The following ZNF669 variants were observed in gnomAD, a reference collection of about 807,000 sequenced individuals.
ZNF669 encodes zinc finger protein 669.
In ZNF669, 7 loss-of-function variants were observed where a neutral mutation model predicts 11.4. The observed-to-expected ratio is 0.62, with a 90% confidence interval of 0.35 to 1.16. ZNF669 has a LOEUF of 1.16. Ranked by LOEUF, ZNF669 falls within the 50% of genes most tolerant of loss-of-function variation. The pLI is 0.02. For synonymous variants in ZNF669, 153 were observed against 155.8 expected (o/e 0.98, Z 0.13); for missense variants, 492 against 463.6 (o/e 1.06, Z -0.56).
intron 1 of ZNF669, among the ~76,000 whole-genome samples, chr1:247,103,462 T>C (rs1558359363): frequency 1.3e-5 from 2 of 151,974 alleles, no homozygotes; most frequent in East Asian, 1.9e-4. Flanking sequence ...GGCGAAACCC[T>C]GTCTCTACCA....
intron 1 of ZNF669, 130 bp downstream of exon 1, chr1:247,104,066 GA>G (rs1671790026): frequency 1.3e-6 from 2 of 1,583,018 alleles, no homozygotes; most frequent in East Asian, 4.6e-5. Context: ...GAAGAGGACT[GA>G]GCCCCGGCTA....
chr1:247,104,271 G>A lies in ZNF669; in HGVS notation c.-72C>T. On this transcript the variant is annotated 5_prime_UTR_variant, in exon 1 of 4. Transcript: ENST00000448299. ...ACTCGCAGGTCACAGGGTGGCAGAG[G>A]CTGCTGCAGAGCCACCTGGGCCTCC... 2 of 1,459,292 alleles carry A rather than the reference G, an allele frequency of 1.4e-6. No homozygotes were observed. Among genetic ancestry groups the A allele is most frequent in the Non-Finnish European group, 1.8e-6 (2 of 1,107,048 alleles). 90.4% of individuals were successfully genotyped at this position (1,459,292 alleles called of 1,614,324 possible). A position where few individuals can be genotyped will look rare whatever the true frequency, so the allele number is the denominator to read the frequency against.
rs371146039 is a variant in ZNF669, at chr1:247,100,451, G to A, written c.1060C>T (p.His354Tyr). 37 of 1,614,052 alleles carry A rather than the reference G, an allele frequency of 2.3e-5. No individual in the cohort carries two copies. The highest frequency in any genetic ancestry group is 3.1e-5 in the Non-Finnish European group (37 of 1,180,050). The change falls in exon 4 of 4, where the codon CAT (histidine) becomes TAT (tyrosine). Residue 354 changes from histidine (H) to tyrosine (Y), a missense_variant. His to Tyr is a moderately conservative substitution (Grantham distance 83). Transcript: ENST00000448299. ...SSHLTRHERS[H>Y]DIEAGCSDSA... ...TCACTACACCCAGCCTCTATATCAT[G>A]ACTTCTTTCATGGCGAGTAAGGTGA...
At chr1:247,103,634 A>C (rs1342747850) in intron 1 of ZNF669, among the ~76,000 whole-genome samples, 1 of 43,532 alleles carries the variant, frequency 2.3e-5, no homozygotes, top group African/African-American at 3.6e-4. Context: ...TCCGTCTCCA[A>C]AAAAAAAAAA....
intron 1 of ZNF669, among the ~76,000 whole-genome samples, chr1:247,102,831 C>A (rs1003228054): frequency 8.6e-5 from 13 of 151,976 alleles, no homozygotes; most frequent in African/African-American, 2.9e-4. Flanking sequence ...TAAATAAAAC[C>A]AATAATTGAT....
rs143120801 is a variant in ZNF669, at chr1:247,101,148, A to G, written c.363T>C (p.His121=). The G allele has an allele frequency of 2.3e-4, 376 of 1,614,116 alleles. 1 individual carries two copies. Among genetic ancestry groups the G allele is most frequent in the Non-Finnish European group, 2.9e-4 (339 of 1,180,018 alleles). ...GTTTGTATCCTGAGTGAGCTAGGAT[A>G]TGCCTATTAAGGAGGGAATGACGTA... ...VFVRHSLLNR[H]ILAHSGYKPY... Residue 121 remains histidine (H), a synonymous_variant, in exon 4 of 4, where the codon CAT becomes CAC. Coordinates refer to ENST00000448299, the MANE Select transcript of ZNF669 (RefSeq NM_001142572.2).
rs561699755 is a variant in ZNF669, at chr1:247,103,922, C to T, written c.3+275G>A. The stretch of plus-strand genomic sequence containing the variant: ...TCGGGGCTCTCCCGCATCACCCTCC[C>T]GTGGTCACCACACTACCTGGATAGG... On this transcript the variant is annotated intron_variant, in intron 1 of 3. Coordinates refer to ENST00000448299, the MANE Select transcript of ZNF669 (RefSeq NM_001142572.2). 3 of 1,586,210 alleles carry T rather than the reference C, an allele frequency of 1.9e-6. No homozygotes were observed. In the South Asian group the frequency reaches 3.5e-5, roughly 18 times the overall value.
chr1:247,100,782 A>G lies in ZNF669; in HGVS notation c.729T>C (p.Thr243=). The change falls in exon 4 of 4, where the codon ACT becomes ACC. Residue 243 remains threonine (T), a synonymous_variant. Coordinates refer to ENST00000448299, the MANE Select transcript of ZNF669 (RefSeq NM_001142572.2). ...TGGTACATTTATAGGGTCTTTCTCC[A>G]GTGTGAGTCCTTTCATGCGTCTTAA... ...CSFKTHERTH[T]GERPYKCTKC... 6.2e-7 allele frequency: 1 copy of G among 1,613,812 alleles called. No homozygotes were observed. The highest frequency in any genetic ancestry group is 8.5e-7 in the Non-Finnish European group (1 of 1,179,856).
In ZNF669 at chr1:247,101,714, T is replaced by C; in HGVS notation, c.191+17A>G. ...TTCCTTCAGAGGACTTTATTTCCTCTGCTCAGTGCAAATTACCTTATATCT... is the reference window on the plus strand; with the variant it reads ...TTCCTTCAGAGGACTTTATTTCCTCCGCTCAGTGCAAATTACCTTATATCT... On this transcript the variant is annotated intron_variant, in intron 3 of 3. Coordinates refer to ENST00000448299, the MANE Select transcript of ZNF669 (RefSeq NM_001142572.2). 6.2e-7 allele frequency: 1 copy of C among 1,611,308 alleles called. No homozygotes were observed. Among genetic ancestry groups the C allele is most frequent in the South Asian group, 1.1e-5 (1 of 90,514 alleles).
chr1:247,104,254 G>A lies in ZNF669; in HGVS notation c.-55C>T, dbSNP rs1671797455. Reference sequence around the variant, plus strand: ...GCTAGGGATGTCCCAATACTCGCAGGTCACAGGGTGGCAGAGGCTGCTGCA... The same window carrying A: ...GCTAGGGATGTCCCAATACTCGCAGATCACAGGGTGGCAGAGGCTGCTGCA... On this transcript the variant is annotated 5_prime_UTR_variant, in exon 1 of 4. Transcript: ENST00000448299. 2.7e-6 allele frequency: 4 copies of A among 1,483,364 alleles called. No individual in the cohort carries two copies. Among genetic ancestry groups the A allele is most frequent in the Non-Finnish European group, 3.6e-6 (4 of 1,118,732 alleles). 91.9% of individuals were successfully genotyped at this position (1,483,364 alleles called of 1,614,324 possible). A position where few individuals can be genotyped will look rare whatever the true frequency, so the allele number is the denominator to read the frequency against.
Position 247,104,237 on chromosome 1 carries a change from T to C in ZNF669, c.-38A>G. The C allele has an allele frequency of 6.7e-7, 1 of 1,503,584 alleles. No homozygotes were observed. Among genetic ancestry groups the C allele is most frequent in the Non-Finnish European group, 8.9e-7 (1 of 1,128,012 alleles). 93.1% of individuals were successfully genotyped at this position (1,503,584 alleles called of 1,614,324 possible). On this transcript the variant is annotated 5_prime_UTR_variant, in exon 1 of 4. Coordinates refer to ENST00000448299, the MANE Select transcript of ZNF669 (RefSeq NM_001142572.2). ...CGGGTGTCCTGGCGTCAGCTAGGGATGTCCCAATACTCGCAGGTCACAGGG... is the reference window on the plus strand; with the variant it reads ...CGGGTGTCCTGGCGTCAGCTAGGGACGTCCCAATACTCGCAGGTCACAGGG...
Position 247,100,686 on chromosome 1 carries a change from G to T in ZNF669, c.825C>A (p.Pro275=). 6.2e-7 allele frequency: 1 copy of T among 1,614,150 alleles called. No individual in the cohort carries two copies. The highest frequency in any genetic ancestry group is 8.5e-7 in the Non-Finnish European group (1 of 1,179,994). The change falls in exon 4 of 4, where the codon CCC becomes CCA. Residue 275 remains proline, a synonymous_variant. Transcript: ENST00000448299. ...YHGSIHTGER[P]YECKQCGKAF... is the part of the protein sequence containing the mutation. Reference sequence around the variant, plus strand: ...CTTTGCCACATTGTTTACACTCATAGGGTCTCTCTCCAGTATGAATGCTTC... The same window carrying T: ...CTTTGCCACATTGTTTACACTCATATGGTCTCTCTCCAGTATGAATGCTTC...
intron 1 of ZNF669, chr1:247,103,919 T>C: frequency 6.3e-7 from 1 of 1,579,988 alleles, no homozygotes; most frequent in South Asian, 1.2e-5. Context: ...CGCATCACCC[T>C]CCCGTGGTCA....
chr1:247,100,546 T>C lies in ZNF669; in HGVS notation c.965A>G (p.His322Arg). 1 of 1,614,224 alleles carries C rather than the reference T, an allele frequency of 6.2e-7. No homozygotes were observed. Among genetic ancestry groups the C allele is most frequent in the African/African-American group, 1.3e-5 (1 of 75,058 alleles). ...AFSRLSSLHL[H>R]ERIHTGEKPY... ...TTTTTCTCCAGTATGAATTCTTTCG[T>C]GGAGGTGAAGGGAACTGAGGCGACT... Residue 322 changes from histidine (H) to arginine (R), a missense_variant, in exon 4 of 4, where the codon CAC becomes CGC. Physicochemically the swap from His to Arg is conservative, Grantham distance 29 (BLOSUM62 0). Transcript: ENST00000448299.
chr1:247,102,861 C>T (rs1383329976), intron 1 of ZNF669, among the ~76,000 whole-genome samples: 4 of 152,068 alleles, frequency 2.6e-5, no homozygotes, highest in African/African-American at 9.7e-5. Flanking sequence ...TTTACTAATA[C>T]AATTTTTAAA....
chr1:247,101,358 T>C, intron 3 of ZNF669, 39 bp from the exon 4 acceptor site: 2 of 1,513,278 alleles, frequency 1.3e-6, no homozygotes, highest in Non-Finnish European at 8.8e-7. Flanking sequence ...TTGGTTGGTT[T>C]ATTAATAACT....
At position 247,102,175 on chromosome 1, in the gene ZNF669, ACTC is replaced by A. The variant is rs1671739392; in HGVS notation, c.4-65_4-63del. ...GAGACTGACAGCACTGGGAATCTATACTCAATTCATAAGCTGTTTACATGATTT... is the reference window on the plus strand; with the variant it reads ...GAGACTGACAGCACTGGGAATCTATAAATTCATAAGCTGTTTACATGATTT... On this transcript the variant is annotated intron_variant, in intron 1 of 3. Transcript: ENST00000448299. 3 of 1,511,666 alleles carry A rather than the reference ACTC, an allele frequency of 2.0e-6. No homozygotes were observed. In the East Asian group the frequency reaches 6.8e-5, roughly 34 times the overall value. The allele number at this position is 1,511,666 out of a possible 1,614,324, so 93.6% of individuals were successfully genotyped here.
rs748282962 is a variant in ZNF669, at chr1:247,100,706, T to C, written c.805A>G (p.Ile269Val). The change falls in exon 4 of 4, where the codon ATT becomes GTT. Residue 269 changes from isoleucine to valine, a missense_variant. Ile to Val is a conservative substitution (Grantham distance 29). Transcript: ENST00000448299. ...TCATAGGGTCTCTCTCCAGTATGAA[T>C]GCTTCCATGGTAACGAAGGGAAGTG... ...CSTSLRYHGS[I>V]HTGERPYECK... The C allele has an allele frequency of 1.2e-6, 2 of 1,614,240 alleles. No individual in the cohort carries two copies. Among genetic ancestry groups the C allele is most frequent in the Non-Finnish European group, 1.7e-6 (2 of 1,180,042 alleles).
intron 1 of ZNF669, among the ~76,000 whole-genome samples, chr1:247,102,379 T>C (rs997383072): frequency 6.6e-6 from 1 of 152,234 alleles, no homozygotes; most frequent in Admixed American, 6.5e-5. Flanking sequence ...GCTGCTAGGT[T>C]ACCTCTTAAT....
Sources: gnomAD v4.1 joint callset for allele counts (sites outside exome capture counted in the v4.1 genomes callset) on GRCh38, gnomAD v4.1.1 for gene constraint, MANE v1.5 for transcripts, NCBI Gene and HGNC (gene_info 2026-07-23, HGNC 2026-07-21) for gene names.